Variants in MARK3 observed in about 807,000 individuals in gnomAD.
MARK3 encodes microtubule affinity regulating kinase 3.
MARK3 carries 46 observed loss-of-function variants against 90.1 expected under a neutral mutation model. That is an observed-to-expected ratio of 0.51 (90% CI 0.40 to 0.65). MARK3 has a LOEUF of 0.65. MARK3 is among the 30% of genes least tolerant of loss of function. The probability of loss-of-function intolerance (pLI) is 0.00; values close to 1 mark genes in which losing one functional copy is unlikely to be tolerated. For synonymous variants in MARK3, 321 were observed against 332.6 expected (o/e 0.97, Z 0.38); for missense variants, 818 against 947.2 (o/e 0.86, Z 1.79).
intron 1 of MARK3, among the ~76,000 whole-genome samples, chr14:103,399,455 AT>A (rs2090799075): frequency 6.6e-6 from 1 of 152,084 alleles, no homozygotes; most frequent in African/African-American, 2.4e-5. Flanking sequence ...CACACCTGTA[AT>A]CCCAGCACTT....
At chr14:103,453,704 C>A (rs1203263766) in intron 5 of MARK3, among the ~76,000 whole-genome samples, 1 of 152,196 alleles carries the variant, frequency 6.6e-6, no homozygotes, top group Non-Finnish European at 1.5e-5. Flanking sequence ...CTAATACTTT[C>A]TGTGGGCAAA....
intron 2 of MARK3, among the ~76,000 whole-genome samples, chr14:103,408,868 T>C (rs574696184): frequency 3.4e-4 from 51 of 152,188 alleles, no homozygotes; most frequent in Non-Finnish European, 6.2e-4. Context: ...AGCTGCCTTA[T>C]AGACTGCTTT....
intron 14 of MARK3, chr14:103,490,992 GT>G: frequency 7.0e-6 from 9 of 1,287,206 alleles, no homozygotes; most frequent in Non-Finnish European, 8.1e-6. Context: ...CCCTGCCTCA[GT>G]TTGTACATCT....
At chr14:103,481,753 A>ATTTTTTT (rs1555400573) in intron 14 of MARK3, among the ~76,000 whole-genome samples, 2 of 50,948 alleles carry the variant, frequency 3.9e-5, no homozygotes, top group Admixed American at 2.5e-4. Context: ...TGATATAGGT[A>ATTTTTTT]TTTCTTTTTT....
intron 1 of MARK3, among the ~76,000 whole-genome samples, chr14:103,393,499 AT>A (rs1361038063): frequency 6.6e-6 from 1 of 152,168 alleles, no homozygotes; most frequent in African/African-American, 2.4e-5. Flanking sequence ...TCATGAAAAT[AT>A]TTAGTCAGTT....
intron 15 of MARK3, among the ~76,000 whole-genome samples, chr14:103,493,212 A>G (rs922199074): frequency 6.1e-5 from 9 of 146,482 alleles, no homozygotes; most frequent in Non-Finnish European, 1.1e-4. Flanking sequence ...ACTTATTATT[A>G]GGACATGGAA....
intron 2 of MARK3, among the ~76,000 whole-genome samples, chr14:103,423,363 C>T (rs912484413): frequency 5.3e-5 from 8 of 152,128 alleles, no homozygotes; most frequent in African/African-American, 1.9e-4. Context: ...AGAAGCCCAT[C>T]TCATGTATGA....
At chr14:103,388,855 C>T (rs2090008472) in intron 1 of MARK3, among the ~76,000 whole-genome samples, 1 of 151,946 alleles carries the variant, frequency 6.6e-6, no homozygotes, top group South Asian at 2.1e-4. Context: ...TAGTTCATTC[C>T]TTTTTATTGC....
chr14:103,417,628 T>C (rs1476897183), intron 2 of MARK3, among the ~76,000 whole-genome samples: 11 of 152,176 alleles, frequency 7.2e-5, no homozygotes, highest in Admixed American at 5.9e-4. Context: ...GAAAATTGTC[T>C]CTTTTTTAAC....
chr14:103,502,966 T>C lies in MARK3; in HGVS notation c.2001T>C (p.Thr667=). The change falls in exon 18 of 18, where the codon ACT becomes ACC. Residue 667 remains threonine, a synonymous_variant. Transcript: ENST00000429436. ...SLRFTWSMKT[T]SSMDPGDMMR... ...GCTTCACCTGGAGCATGAAAACCAC[T>C]AGTTCAATGGATCCCGGGGACATGA... 1 of 1,614,246 alleles carries C rather than the reference T, an allele frequency of 6.2e-7. No individual in the cohort carries two copies. The highest frequency in any genetic ancestry group is 8.5e-7 in the Non-Finnish European group (1 of 1,180,050).
chr14:103,391,709 A>ATT (rs71126012), intron 1 of MARK3, among the ~76,000 whole-genome samples: 1,559 of 69,628 alleles, frequency 0.022, 236 homozygotes, highest in African/African-American at 0.067. Flanking sequence ...ATGCCTGGCT[A>ATT]TTTTTTTTTT....
chr14:103,477,811 C>A (rs953702791), intron 13 of MARK3, among the ~76,000 whole-genome samples: 2 of 151,864 alleles, frequency 1.3e-5, no homozygotes, highest in African/African-American at 4.8e-5. Flanking sequence ...CAGAGTGAGA[C>A]CTCATCTCTA....
In MARK3 at chr14:103,480,377, T is replaced by C; in HGVS notation, c.1483-10T>C. 1 of 1,582,824 alleles carries C rather than the reference T, an allele frequency of 6.3e-7. No individual in the cohort carries two copies. The highest frequency in any genetic ancestry group is 2.2e-5 in the East Asian group (1 of 44,686). On this transcript the variant is annotated splice_polypyrimidine_tract_variant and intron_variant, in intron 13 of 17. Transcript: ENST00000429436. Reference sequence around the variant, plus strand: ...AAATAAATTTAAGACAAAAATGCCCTTTTTTATAGAGTAACACAGCATCTG... The same window carrying C: ...AAATAAATTTAAGACAAAAATGCCCCTTTTTATAGAGTAACACAGCATCTG...
At chr14:103,409,402 G>GCA (rs1305330594) in intron 2 of MARK3, among the ~76,000 whole-genome samples, 10 of 119,294 alleles carry the variant, frequency 8.4e-5, no homozygotes, top group African/African-American at 3.3e-4. Flanking sequence ...TGTTTAACCT[G>GCA]CACGTTCTGC....
At chr14:103,392,694 G>A (rs1178672704) in intron 1 of MARK3, among the ~76,000 whole-genome samples, 1 of 152,078 alleles carries the variant, frequency 6.6e-6, no homozygotes, top group African/African-American at 2.4e-5. Flanking sequence ...AAAAATTGTG[G>A]TTCTGGAAAA....
intron 3 of MARK3, among the ~76,000 whole-genome samples, chr14:103,437,299 C>T (rs1025656723): frequency 6.6e-6 from 1 of 151,508 alleles, no homozygotes; most frequent in Non-Finnish European, 1.5e-5. Flanking sequence ...GAAGCTGAGG[C>T]AGGAAAATGG....
chr14:103,462,088 A>AG (rs2141507577), intron 6 of MARK3, among the ~76,000 whole-genome samples: 1 of 151,194 alleles, frequency 6.6e-6, no homozygotes, highest in Admixed American at 6.6e-5. Flanking sequence ...AGGGGCAGCC[A>AG]GGGTCCTCCA....
Position 103,503,110 on chromosome 14 carries a change from G to A in MARK3, c.2145G>A (p.Met715Ile). The change falls in exon 18 of 18, where the codon ATG becomes ATA. Residue 715 changes from methionine (M) to isoleucine (I), a missense_variant. By Grantham distance (10) the Met-to-Ile change is conservative (BLOSUM62 1). This residue lies in a region of MARK3 where 560 missense variants were observed against 613.5 expected (regional missense o/e 0.91). Coordinates refer to ENST00000429436, the MANE Select transcript of MARK3 (RefSeq NM_001128918.3). ...GHAENLVQWE[M>I]EVCKLPRLSL... ...CGGAGAACCTCGTGCAGTGGGAAAT[G>A]GAAGTGTGCAAGCTGCCAAGACTGT... 1.2e-6 allele frequency: 2 copies of A among 1,614,232 alleles called. No homozygotes were observed. The highest frequency in any genetic ancestry group is 3.3e-5 in the Admixed American group (2 of 60,022).
chr14:103,501,658 C>T (rs1035344914), intron 17 of MARK3, among the ~76,000 whole-genome samples: 2 of 152,070 alleles, frequency 1.3e-5, no homozygotes, highest in African/African-American at 4.8e-5. Context: ...CTCATCCTGC[C>T]TGTCACGTTC....
Sources: gnomAD v4.1 joint callset for allele counts (sites outside exome capture counted in the v4.1 genomes callset) on GRCh38, gnomAD v4.1.1 for gene constraint, gnomAD v4.1.1 regional missense constraint, MANE v1.5 for transcripts, NCBI Gene and HGNC (gene_info 2026-07-23, HGNC 2026-07-21) for gene names.